WDR36: variants seen among roughly 807,000 people sequenced by gnomAD.
The protein encoded by WDR36 is WD repeat domain 36.
Under a neutral mutation model 112.7 loss-of-function variants are expected in WDR36, and 63 were observed. The ratio of observed to expected loss-of-function variants is 0.56; its 90% CI spans 0.46 to 0.69. WDR36 has a LOEUF of 0.69. Ranked by LOEUF, WDR36 falls within the 30% of genes least tolerant of loss-of-function variation. WDR36 has a pLI of 0.00. For missense variants in WDR36, 1,226 were observed against 1,070.3 expected (o/e 1.15, Z -2.03); for synonymous variants, 410 against 362.2 (o/e 1.13, Z -1.50).
At chr5:111,094,783 T>C (rs1057335476) in intron 1 of WDR36, 137 bp from the exon 2 acceptor site, 6 of 700,304 alleles carry the variant, frequency 8.6e-6, no homozygotes, top group Non-Finnish European at 1.2e-5. Flanking sequence ...ATAAAGAAAA[T>C]TAGTGTCAGT....
rs56329138 is a variant in WDR36, at chr5:111,127,923, G to T, written c.*1040G>T. 1.7e-3 allele frequency: 236 copies of T among 139,312 alleles called. 1 individual carries two copies. The East Asian group carries it at 0.022, about 13-fold the overall frequency. 8.6% of individuals were successfully genotyped at this position (139,312 alleles called of 1,614,324 possible). A position where few individuals can be genotyped will look rare whatever the true frequency, so the allele number is the denominator to read the frequency against. ...GGTTTTTTTTATTTTGTTTTGTTTT[G>T]TTTTTTTTTTTTTTTTTTTGGCTAC... On this transcript the variant is annotated 3_prime_UTR_variant, in exon 23 of 23. Coordinates refer to ENST00000513710, the MANE Select transcript of WDR36 (RefSeq NM_139281.3).
intron 1 of WDR36, among the ~76,000 whole-genome samples, chr5:111,093,161 A>G (rs115578300): frequency 1.2e-3 from 180 of 152,336 alleles, no homozygotes; most frequent in African/African-American, 3.8e-3. Context: ...TTTGCAACAT[A>G]GGTGTCATTA....
intron 5 of WDR36, 120 bp downstream of exon 5, chr5:111,100,841 A>G: frequency 9.7e-7 from 1 of 1,033,372 alleles, no homozygotes; most frequent in Non-Finnish European, 1.4e-6. Context: ...GGTTGTCTAT[A>G]AATAACAGTT....
rs563303578 is a variant in WDR36 at position 111,125,284 on chromosome 5, T to A, written c.2351-324T>A. ...TCGTTATAGGCTTCTTAATTAGGATTTACTCTGAGAGAAGATATATGAGCA... is the reference window on the plus strand; with the variant it reads ...TCGTTATAGGCTTCTTAATTAGGATATACTCTGAGAGAAGATATATGAGCA... On this transcript the variant is annotated intron_variant, in intron 21 of 22. Transcript: ENST00000513710. 2.6e-5 allele frequency among the ~76,000 whole-genome samples: 4 copies of A among 152,324 alleles called. No individual in the cohort carries two copies. The South Asian group carries it at 8.3e-4, about 32-fold the overall frequency.
intron 1 of WDR36, 22 bp downstream of exon 1, chr5:111,092,640 C>G (rs1428716982): frequency 1.9e-6 from 3 of 1,605,636 alleles, no homozygotes; most frequent in African/African-American, 2.7e-5. Context: ...CTTTTGTTAG[C>G]TTCCCAGGAA....
chr5:111,105,316 C>T lies in WDR36; in HGVS notation c.1049C>T (p.Ser350Leu). The change falls in exon 10 of 23, where the codon TCA becomes TTA. Residue 350 changes from serine (S) to leucine (L), a missense_variant. Ser to Leu is a moderately radical substitution (Grantham distance 145). Coordinates refer to ENST00000513710, the MANE Select transcript of WDR36 (RefSeq NM_139281.3). Reference protein sequence around the residue: ...LSASQDGTLQSFSTVHEKFNK... With the variant: ...LSASQDGTLQLFSTVHEKFNK... Reference sequence around the variant, plus strand: ...ACAGGTCAAGATGGAACTCTTCAGTCATTTTCCACGGTACATGAAAAATTC... The same window carrying T: ...ACAGGTCAAGATGGAACTCTTCAGTTATTTTCCACGGTACATGAAAAATTC... 1 of 1,609,964 alleles carries T rather than the reference C, an allele frequency of 6.2e-7. No homozygotes were observed. Among genetic ancestry groups the T allele is most frequent in the Non-Finnish European group, 8.5e-7 (1 of 1,177,184 alleles).
chr5:111,111,345 A>G, intron 15 of WDR36, 67 bp downstream of exon 15: 3 of 1,242,578 alleles, frequency 2.4e-6, no homozygotes, highest in South Asian at 2.4e-5. Context: ...TTATCCTTTA[A>G]TAGCCTTAAA....
chr5:111,121,681 AAAC>A (rs1393371358), intron 19 of WDR36, among the ~76,000 whole-genome samples: 3 of 152,160 alleles, frequency 2.0e-5, no homozygotes, highest in Non-Finnish European at 4.4e-5. Flanking sequence ...GGTGAAGAAA[AAAC>A]AGCCCCTTTG....
Sources: allele counts gnomAD v4.1 joint callset (sites outside exome capture counted in the v4.1 genomes callset), GRCh38; gene constraint gnomAD v4.1.1; transcripts MANE v1.5; gene names NCBI Gene and HGNC (gene_info 2026-07-23, HGNC 2026-07-21).